TSPEAR: variants seen among roughly 807,000 people sequenced by gnomAD.
TSPEAR encodes thrombospondin-type laminin G domain and EAR repeat-containing protein.
A neutral mutation model predicts 71.6 loss-of-function variants in TSPEAR; 69 were observed. The ratio of observed to expected loss-of-function variants is 0.96; its 90% CI spans 0.79 to 1.18. TSPEAR has a LOEUF of 1.18. Ranked by LOEUF, TSPEAR falls within the 50% of genes most tolerant of loss-of-function variation. The pLI, the probability that TSPEAR is intolerant of heterozygous loss-of-function variation, is 0.00. For synonymous variants in TSPEAR, 402 were observed against 387.2 expected, an observed-to-expected ratio of 1.04 and a Z score of -0.45; for missense variants, 971 against 894.9, an observed-to-expected ratio of 1.09 and a Z score of -1.09.
At chr21:44,566,993 A>T (rs2053711790) in intron 2 of TSPEAR, among the ~76,000 whole-genome samples, 1 of 151,798 alleles carries the variant, frequency 6.6e-6, no homozygotes, top group Non-Finnish European at 1.5e-5. Context: ...GCAACAAAAT[A>T]AAAAAAATAG....
At chr21:44,697,646 C>A in intron 1 of TSPEAR, 1 of 1,613,976 alleles carries the variant, frequency 6.2e-7, no homozygotes, top group Non-Finnish European at 8.5e-7. Context: ...CCCGTGTCAA[C>A]AGTCCTGCTG....
chr21:44,530,894 G>A (rs1187541939), intron 4 of TSPEAR, 149 bp downstream of exon 4: 6 of 701,682 alleles, frequency 8.6e-6, no homozygotes, highest in Non-Finnish European at 1.3e-5. Flanking sequence ...CAAGCGTGAA[G>A]GCCCTGTGGT....
intron 1 of TSPEAR, among the ~76,000 whole-genome samples, chr21:44,661,476 C>T (rs761433986): frequency 1.1e-4 from 16 of 152,086 alleles, no homozygotes; most frequent in Admixed American, 4.6e-4. Flanking sequence ...TCATATTACC[C>T]GGAGGTATCC....
At chr21:44,535,861 G>C (rs1443292236) in intron 2 of TSPEAR, among the ~76,000 whole-genome samples, 2 of 146,516 alleles carry the variant, frequency 1.4e-5, no homozygotes, top group African/African-American at 5.2e-5. Context: ...AAAGTTTTGA[G>C]CTTTAAGACC....
chr21:44,556,341 A>C (rs1555919774), intron 2 of TSPEAR, among the ~76,000 whole-genome samples: 2 of 151,868 alleles, frequency 1.3e-5, no homozygotes, highest in African/African-American at 4.8e-5. Context: ...GCTCCACTGC[A>C]CTCTAGCCTG....
At chr21:44,526,358 C>T (rs763451356) in intron 7 of TSPEAR, among the ~76,000 whole-genome samples, 17 of 152,204 alleles carry the variant, frequency 1.1e-4, no homozygotes, top group African/African-American at 2.7e-4. Flanking sequence ...GAGGCAAGGA[C>T]GCCACATGAA....
intron 8 of TSPEAR, among the ~76,000 whole-genome samples, chr21:44,523,656 G>A (rs1356117659): frequency 1.3e-5 from 2 of 151,148 alleles, no homozygotes; most frequent in African/African-American, 4.9e-5. Context: ...ATCAGTGAGT[G>A]AGGTAGTCAG....
intron 1 of TSPEAR, among the ~76,000 whole-genome samples, chr21:44,615,896 G>C (rs2146183310): frequency 6.6e-6 from 1 of 152,330 alleles, no homozygotes; most frequent in South Asian, 2.1e-4. Flanking sequence ...TCTGGACACT[G>C]CTGGGAGGTC....
intron 1 of TSPEAR, among the ~76,000 whole-genome samples, chr21:44,605,199 C>T (rs782795931): frequency 3.3e-5 from 5 of 152,092 alleles, no homozygotes; most frequent in Non-Finnish European, 5.9e-5. Context: ...ATTAAGAAAA[C>T]AATACCATTT....
At position 44,525,709 on chromosome 21, in the gene TSPEAR, C is replaced by T. The variant is rs1375707474; in HGVS notation, c.1280G>A (p.Trp427Ter). The T allele has an allele frequency of 1.4e-5, 23 of 1,614,118 alleles. No individual in the cohort carries two copies. Among genetic ancestry groups the T allele is most frequent in the Non-Finnish European group, 1.9e-5 (22 of 1,180,056 alleles). ...CTCCCCATCCACCTCGAAGGCCTCC[C>T]AGTCTCGGGCGCTGTGTGTGGCAAT... ...QSIATHSARDWEAFEVDGEHF... is the reference protein window; with the variant it reads ...QSIATHSARD Residue 427 changes from tryptophan to a stop codon, truncating the protein, a stop_gained, in exon 8 of 12, where the codon TGG (tryptophan) becomes TAG (stop). Transcript: ENST00000323084. LOFTEE classifies it high-confidence loss of function.
chr21:44,518,129 A>AT (rs1160791675), intron 9 of TSPEAR: 21 of 356,662 alleles, frequency 5.9e-5, no homozygotes, highest in Admixed American at 8.8e-5. Context: ...CATTAGTAGC[A>AT]TTTTTTATTT....
intron 2 of TSPEAR, among the ~76,000 whole-genome samples, chr21:44,547,850 T>C (rs980201442): frequency 2.6e-5 from 4 of 152,136 alleles, no homozygotes; most frequent in African/African-American, 7.2e-5. Flanking sequence ...GCTCAGAGCC[T>C]GAAGTTCAGC....
At chr21:44,550,928 CGGGG>C (rs2053411499) in intron 2 of TSPEAR, 2 of 1,462,932 alleles carry the variant, frequency 1.4e-6, no homozygotes, top group African/African-American at 2.9e-5. Flanking sequence ...ACTGCTGACA[CGGGG>C]AGGAGGTGCA....
rs200839483 is a variant in TSPEAR at position 44,558,748 on chromosome 21, C to G, written c.303+9037G>C. 3,075 of 1,571,598 alleles carry G rather than the reference C, an allele frequency of 2.0e-3. 5 individuals carry two copies. Among genetic ancestry groups the G allele is most frequent in the Non-Finnish European group, 2.4e-3 (2,796 of 1,157,964 alleles). Reference sequence around the variant, plus strand: ...TGGGGAGGAGGTGAGCTGGGGGAGACGTGAGTGAGTGAGTGTGGGAGTGAG... The same window carrying G: ...TGGGGAGGAGGTGAGCTGGGGGAGAGGTGAGTGAGTGAGTGTGGGAGTGAG... On this transcript the variant is annotated intron_variant, in intron 2 of 11. Coordinates refer to ENST00000323084, the MANE Select transcript of TSPEAR (RefSeq NM_144991.3).
chr21:44,601,788 T>C (rs1195716698), intron 1 of TSPEAR: 8 of 1,568,480 alleles, frequency 5.1e-6, no homozygotes, highest in Non-Finnish European at 6.1e-6. Flanking sequence ...CCTGCACCCC[T>C]GGATTCTTTA....
intron 2 of TSPEAR, among the ~76,000 whole-genome samples, chr21:44,542,989 A>G (rs2053247287): frequency 6.6e-6 from 1 of 152,190 alleles, no homozygotes; most frequent in Admixed American, 6.5e-5. Flanking sequence ...CAATGGAATG[A>G]TATATTTACT....
chr21:44,559,482 G>T (rs1201695290), intron 2 of TSPEAR, among the ~76,000 whole-genome samples: 2 of 152,160 alleles, frequency 1.3e-5, no homozygotes, highest in Non-Finnish European at 2.9e-5. Flanking sequence ...TTCCCCCGGT[G>T]GTGTGCACAA....
In TSPEAR at chr21:44,600,557, C is replaced by T. The variant is rs186325738; in HGVS notation, c.83-32552G>A. 3.6e-5 allele frequency: 55 copies of T among 1,541,036 alleles called. No homozygotes were observed. The African/African-American group carries it at 4.8e-4, about 14-fold the overall frequency. On this transcript the variant is annotated intron_variant, in intron 1 of 11. Transcript: ENST00000323084. ...CCAACATCCCTGAGCACCTAACACA[C>T]GGACTCACTCACTCATTCACTCACT...
chr21:44,539,758 G>T, intron 2 of TSPEAR: 2 of 1,612,686 alleles, frequency 1.2e-6, no homozygotes, highest in South Asian at 2.2e-5. Context: ...AAGAGGCACA[G>T]CAAGTTGGCT....
Sources: allele counts gnomAD v4.1 joint callset (sites outside exome capture counted in the v4.1 genomes callset), GRCh38; gene constraint gnomAD v4.1.1; transcripts MANE v1.5; gene names NCBI Gene and HGNC (gene_info 2026-07-23, HGNC 2026-07-21).